NKAIN2: variants seen among roughly 807,000 people sequenced by gnomAD.
NKAIN2 encodes the protein sodium/potassium transporting ATPase interacting 2, also known as sodium/potassium-transporting ATPase subunit beta-1-interacting protein 2.
Under a neutral mutation model 32.6 loss-of-function variants are expected in NKAIN2, and 14 were observed. The observed-to-expected ratio is 0.43, with a 90% CI of 0.28 to 0.67. The LOEUF (loss-of-function observed/expected upper bound fraction) is 0.67. Ranked by LOEUF, NKAIN2 falls within the 30% of genes least tolerant of loss-of-function variation. NKAIN2 has a pLI of 0.17. For synonymous variants in NKAIN2, 80 were observed against 87.2 expected, an observed-to-expected ratio of 0.92 and a Z score of 0.46; for missense variants, 198 against 258.3, an observed-to-expected ratio of 0.77 and a Z score of 1.60.
intron 4 of NKAIN2, among the ~76,000 whole-genome samples, chr6:124,661,241 C>G (rs1265877692): frequency 1.3e-5 from 2 of 152,214 alleles, no homozygotes; most frequent in African/African-American, 4.8e-5. Flanking sequence ...TAGCTCCATG[C>G]AGTTTTGTAA....
chr6:124,106,004 C>T (rs1785103617), intron 1 of NKAIN2, among the ~76,000 whole-genome samples: 1 of 152,080 alleles, frequency 6.6e-6, no homozygotes, highest in Non-Finnish European at 1.5e-5. Context: ...TCCCAGGATC[C>T]TACAGTTTAC....
intron 3 of NKAIN2, among the ~76,000 whole-genome samples, chr6:124,618,342 G>T (rs942808123): frequency 1.3e-5 from 2 of 152,162 alleles, no homozygotes; most frequent in Non-Finnish European, 2.9e-5. Flanking sequence ...GCTGGGCATG[G>T]TGGTGGGTGC....
At chr6:124,273,845 A>G (rs1404195538) in intron 1 of NKAIN2, among the ~76,000 whole-genome samples, 1 of 152,230 alleles carries the variant, frequency 6.6e-6, no homozygotes, top group Non-Finnish European at 1.5e-5. Flanking sequence ...TCAAGGTTAA[A>G]TGGACGCATT....
At chr6:123,827,964 A>G (rs1774219807) in intron 1 of NKAIN2, among the ~76,000 whole-genome samples, 1 of 152,078 alleles carries the variant, frequency 6.6e-6, no homozygotes, top group Non-Finnish European at 1.5e-5. Flanking sequence ...TTGTAGAATC[A>G]GCATACCTAT....
intron 3 of NKAIN2, among the ~76,000 whole-genome samples, chr6:124,503,442 G>A (rs1266137163): frequency 1.3e-5 from 2 of 151,938 alleles, no homozygotes; most frequent in African/African-American, 4.8e-5. Context: ...GTGAAATATA[G>A]CCCGAAAGTA....
intron 4 of NKAIN2, among the ~76,000 whole-genome samples, chr6:124,774,658 C>A (rs932729269): frequency 2.0e-5 from 3 of 151,898 alleles, no homozygotes; most frequent in African/African-American, 7.3e-5. Flanking sequence ...GAGTTTGAGA[C>A]CAGCCTGGCC....
chr6:124,804,460 A>G, intron 5 of NKAIN2: 3 of 948,964 alleles, frequency 3.2e-6, no homozygotes, highest in Non-Finnish European at 3.8e-6. Context: ...TTCATTGTTT[A>G]GCACGTGTGA....
At chr6:123,840,557 T>A (rs1388678790) in intron 1 of NKAIN2, among the ~76,000 whole-genome samples, 1 of 152,142 alleles carries the variant, frequency 6.6e-6, no homozygotes. Context: ...TTTATGATTT[T>A]AAGTAATTGC....
At chr6:124,270,831 T>C (rs766563462) in intron 1 of NKAIN2, among the ~76,000 whole-genome samples, 4 of 152,224 alleles carry the variant, frequency 2.6e-5, no homozygotes, top group Non-Finnish European at 4.4e-5. Flanking sequence ...TGGGAATAGA[T>C]TGGAACATAT....
intron 1 of NKAIN2, among the ~76,000 whole-genome samples, chr6:124,153,875 G>A (rs1239053749): frequency 2.0e-5 from 3 of 150,288 alleles, no homozygotes; most frequent in Admixed American, 6.6e-5. Context: ...AATATAATGA[G>A]AGTGGGTACT....
intron 1 of NKAIN2, among the ~76,000 whole-genome samples, chr6:124,123,102 A>C (rs1785968182): frequency 6.6e-6 from 1 of 152,128 alleles, no homozygotes; most frequent in Non-Finnish European, 1.5e-5. Flanking sequence ...ATTTAGAATT[A>C]TATCTAGTAT....
At chr6:124,468,715 A>G (rs1400132143) in intron 3 of NKAIN2, among the ~76,000 whole-genome samples, 5 of 152,216 alleles carry the variant, frequency 3.3e-5, no homozygotes, top group Non-Finnish European at 7.3e-5. Context: ...TGAAAAGAGC[A>G]AAAGAAACAC....
chr6:123,873,368 C>A (rs1773000151), intron 1 of NKAIN2, among the ~76,000 whole-genome samples: 1 of 151,918 alleles, frequency 6.6e-6, no homozygotes, highest in Non-Finnish European at 1.5e-5. Context: ...AGTGTCAGGG[C>A]AAAAAGAAAA....
chr6:124,396,227 G>T (rs573003729), intron 3 of NKAIN2, among the ~76,000 whole-genome samples: 1 of 151,682 alleles, frequency 6.6e-6, no homozygotes, highest in Non-Finnish European at 1.5e-5. Flanking sequence ...CATGGGCATC[G>T]CAAGATTTAA....
intron 3 of NKAIN2, among the ~76,000 whole-genome samples, chr6:124,530,539 C>A (rs922949180): frequency 3.3e-5 from 5 of 151,976 alleles, no homozygotes; most frequent in African/African-American, 1.2e-4. Context: ...TAAATGGACC[C>A]AAATCATTCA....
chr6:124,092,966 C>T (rs1784497416), intron 1 of NKAIN2, among the ~76,000 whole-genome samples: 1 of 152,046 alleles, frequency 6.6e-6, no homozygotes, highest in South Asian at 2.1e-4. Context: ...AAATTTGCAT[C>T]ATTTTGTTTT....
At position 124,076,605 on chromosome 6, in the gene NKAIN2, G is replaced by C. The variant is rs139906322; in HGVS notation, c.55-206400G>C. Among the ~76,000 whole-genome samples, 307 of 152,314 alleles carry C rather than the reference G, an allele frequency of 2.0e-3. 3 individuals are homozygous for C. The highest frequency in any genetic ancestry group is 7.0e-3 in the African/African-American group (292 of 41,564). ...GAAAAACAGATCATTGATTCCAGTT[G>C]ATGTTTATAATATAGAAATAGCAGA... On this transcript the variant is annotated intron_variant, in intron 1 of 6. Transcript: ENST00000368417.
intron 1 of NKAIN2, among the ~76,000 whole-genome samples, chr6:124,017,506 G>A (rs868361949): frequency 6.6e-6 from 1 of 152,128 alleles, no homozygotes; most frequent in Non-Finnish European, 1.5e-5. Flanking sequence ...TTCTGCCTAT[G>A]AGCCTGTGAA....
chr6:124,192,081 C>T (rs568123026), intron 1 of NKAIN2, among the ~76,000 whole-genome samples: 3 of 151,630 alleles, frequency 2.0e-5, no homozygotes, highest in East Asian at 1.9e-4. Flanking sequence ...TATGGTTTTC[C>T]TGTTTTCTAT....
Sources: allele counts gnomAD v4.1 joint callset (sites outside exome capture counted in the v4.1 genomes callset), GRCh38; gene constraint gnomAD v4.1.1; transcripts MANE v1.5; gene names NCBI Gene and HGNC (gene_info 2026-07-23, HGNC 2026-07-21).